The following NKAIN2 variants were observed in gnomAD, a reference collection of about 807,000 sequenced individuals.
NKAIN2 encodes the protein sodium/potassium transporting ATPase interacting 2, also known as sodium/potassium-transporting ATPase subunit beta-1-interacting protein 2.
A neutral mutation model predicts 32.6 loss-of-function variants in NKAIN2; 14 were observed. The observed-to-expected ratio is 0.43, with a 90% CI of 0.28 to 0.67. The LOEUF (loss-of-function observed/expected upper bound fraction) is 0.67. Ranked by LOEUF, NKAIN2 falls within the 30% of genes least tolerant of loss-of-function variation. The probability of loss-of-function intolerance (pLI) is 0.17; values close to 1 mark genes in which losing one functional copy is unlikely to be tolerated. For missense variants in NKAIN2, 198 were observed against 258.3 expected, an observed-to-expected ratio of 0.77 and a Z score of 1.60; for synonymous variants, 80 against 87.2, an observed-to-expected ratio of 0.92 and a Z score of 0.46.
At position 124,387,294 on chromosome 6, in the gene NKAIN2, G is replaced by T. The variant is rs949263650; in HGVS notation, c.273+31947G>T. ...AAAAAAAGTTTGGACCTAATTAAAG[G>T]TTTTTTTTTTTTTTTTAATCACTGT... On this transcript the variant is annotated intron_variant, in intron 3 of 6. Coordinates refer to ENST00000368417, the MANE Select transcript of NKAIN2 (RefSeq NM_001040214.3). Among the ~76,000 whole-genome samples the T allele has an allele frequency of 4.6e-4, 67 of 146,472 alleles. No homozygotes were observed. In the Middle Eastern group the frequency reaches 0.014, roughly 31 times the overall value.
chr6:124,656,357 T>C (rs1357765494), intron 3 of NKAIN2, among the ~76,000 whole-genome samples: 2 of 152,170 alleles, frequency 1.3e-5, no homozygotes, highest in Non-Finnish European at 2.9e-5. Flanking sequence ...ACTTCTTCCT[T>C]CCTGTAGGGA....
intron 3 of NKAIN2, among the ~76,000 whole-genome samples, chr6:124,585,675 A>G (rs184618298): frequency 1.4e-3 from 211 of 152,340 alleles, no homozygotes; most frequent in Middle Eastern, 6.8e-3. Flanking sequence ...ACAAATTAGC[A>G]TATAAAAGAT....
At chr6:124,383,833 C>T (rs1772762140) in intron 3 of NKAIN2, among the ~76,000 whole-genome samples, 1 of 152,154 alleles carries the variant, frequency 6.6e-6, no homozygotes, top group Admixed American at 6.6e-5. Context: ...CATACCTGGA[C>T]TTGTTAGGAA....
chr6:124,577,399 G>A (rs902057173), intron 3 of NKAIN2, among the ~76,000 whole-genome samples: 1 of 151,976 alleles, frequency 6.6e-6, no homozygotes, highest in East Asian at 1.9e-4. Flanking sequence ...GTGCTTGGGG[G>A]ACAGAAGGCA....
chr6:124,785,465 T>C (rs1324534169), intron 4 of NKAIN2, among the ~76,000 whole-genome samples: 1 of 152,154 alleles, frequency 6.6e-6, no homozygotes, highest in Non-Finnish European at 1.5e-5. Flanking sequence ...TAATTTTTAA[T>C]TGAAACATGG....
At chr6:123,956,057 G>A (rs554147896) in intron 1 of NKAIN2, among the ~76,000 whole-genome samples, 18 of 151,652 alleles carry the variant, frequency 1.2e-4, no homozygotes, top group African/African-American at 3.9e-4. Flanking sequence ...CTACCATGCC[G>A]AACTACATTT....
intron 2 of NKAIN2, among the ~76,000 whole-genome samples, chr6:124,352,455 A>G (rs1798776336): frequency 6.6e-6 from 1 of 152,234 alleles, no homozygotes; most frequent in Non-Finnish European, 1.5e-5. Flanking sequence ...TAAGCATAAA[A>G]TATAATTTTA....
intron 1 of NKAIN2, among the ~76,000 whole-genome samples, chr6:124,038,493 G>A (rs1444403846): frequency 3.9e-5 from 6 of 152,032 alleles, no homozygotes; most frequent in Admixed American, 1.3e-4. Context: ...GATTACAGGC[G>A]TGAGCCACTA....
chr6:124,195,679 A>G (rs1399871165), intron 1 of NKAIN2, among the ~76,000 whole-genome samples: 2 of 152,110 alleles, frequency 1.3e-5, no homozygotes, highest in Non-Finnish European at 2.9e-5. Context: ...ATTTCATAAC[A>G]ATTCCTCAAT....
At chr6:124,221,246 G>A (rs1385691038) in intron 1 of NKAIN2, among the ~76,000 whole-genome samples, 2 of 152,040 alleles carry the variant, frequency 1.3e-5, no homozygotes, top group African/African-American at 2.4e-5. Context: ...ATGAGTTCAT[G>A]TACTTTGTAG....
At chr6:124,156,141 G>T (rs1787977192) in intron 1 of NKAIN2, among the ~76,000 whole-genome samples, 1 of 151,990 alleles carries the variant, frequency 6.6e-6, no homozygotes, top group Admixed American at 6.6e-5. Context: ...TTTGATTTTA[G>T]ACACTTAAGG....
Position 124,559,365 on chromosome 6 carries a change from C to A in NKAIN2, c.274-98821C>A, listed in dbSNP as rs535184955. On this transcript the variant is annotated intron_variant, in intron 3 of 6. Transcript: ENST00000368417. Reference sequence around the variant, plus strand: ...TTTAGCTGAGTTTTGAGTGGACATACAAGTTGTCTCAAAGAAGTGACGAGC... The same window carrying A: ...TTTAGCTGAGTTTTGAGTGGACATAAAAGTTGTCTCAAAGAAGTGACGAGC... Among the ~76,000 whole-genome samples, 119 of 152,230 alleles carry A rather than the reference C, an allele frequency of 7.8e-4. 1 individual carries two copies. Among genetic ancestry groups the A allele is most frequent in the Admixed American group, 7.7e-3 (118 of 15,288 alleles).
At position 124,298,602 on chromosome 6, in the gene NKAIN2, G is replaced by A. The variant is rs139683626; in HGVS notation, c.192+15460G>A. Among the ~76,000 whole-genome samples the A allele has an allele frequency of 1.7e-4, 26 of 152,244 alleles. No individual in the cohort carries two copies. The East Asian group carries it at 5.0e-3, about 29-fold the overall frequency. On this transcript the variant is annotated intron_variant, in intron 2 of 6. Coordinates refer to ENST00000368417, the MANE Select transcript of NKAIN2 (RefSeq NM_001040214.3). ...GGGTTATTGTCTACACTCAGGCATAGATGATAATGCCACACACATTCATCT... is the reference window on the plus strand; with the variant it reads ...GGGTTATTGTCTACACTCAGGCATAAATGATAATGCCACACACATTCATCT...
At chr6:124,128,102 T>C (rs1257507003) in intron 1 of NKAIN2, among the ~76,000 whole-genome samples, 1 of 152,202 alleles carries the variant, frequency 6.6e-6, no homozygotes, top group South Asian at 2.1e-4. Flanking sequence ...GTGCTGGGAT[T>C]ACAGGCGTGA....
At chr6:123,963,622 T>A (rs1166650757) in intron 1 of NKAIN2, among the ~76,000 whole-genome samples, 3 of 152,178 alleles carry the variant, frequency 2.0e-5, no homozygotes, top group African/African-American at 7.2e-5. Flanking sequence ...AGAAGAGAAA[T>A]TGCAACATAG....
intron 1 of NKAIN2, among the ~76,000 whole-genome samples, chr6:123,960,866 T>C (rs1043185491): frequency 6.6e-6 from 1 of 151,730 alleles, no homozygotes; most frequent in African/African-American, 2.4e-5. Context: ...ACAATTGCAC[T>C]TGTTACTTTT....
chr6:124,405,797 ATTT>A (rs1194711157), intron 3 of NKAIN2, among the ~76,000 whole-genome samples: 1 of 152,204 alleles, frequency 6.6e-6, no homozygotes, highest in Non-Finnish European at 1.5e-5. Context: ...AGTTTAATAC[ATTT>A]TGCATTGCCT....
chr6:123,899,053 TTC>T (rs745797009), intron 1 of NKAIN2, among the ~76,000 whole-genome samples: 3 of 152,232 alleles, frequency 2.0e-5, no homozygotes, highest in Non-Finnish European at 4.4e-5. Flanking sequence ...TTGTGTAGAC[TTC>T]TGTCTCTTTG....
At chr6:124,441,977 A>G (rs1775708294) in intron 3 of NKAIN2, among the ~76,000 whole-genome samples, 1 of 152,062 alleles carries the variant, frequency 6.6e-6, no homozygotes, top group African/African-American at 2.4e-5. Context: ...ACATTTACAT[A>G]CACATAAGAC....
Sources: allele counts gnomAD v4.1 joint callset (sites outside exome capture counted in the v4.1 genomes callset), GRCh38; gene constraint gnomAD v4.1.1; transcripts MANE v1.5; gene names NCBI Gene and HGNC (gene_info 2026-07-23, HGNC 2026-07-21).